ITGA4: variants seen among roughly 807,000 people sequenced by gnomAD.
ITGA4 encodes the protein integrin subunit alpha 4.
ITGA4 carries 63 observed loss-of-function variants against 133.6 expected under a neutral mutation model. The ratio of observed to expected loss-of-function variants is 0.47; its 90% CI spans 0.38 to 0.58. The LOEUF is 0.58. ITGA4 is among the 20% of genes least tolerant of loss of function. The pLI, the probability that ITGA4 is intolerant of heterozygous loss-of-function variation, is 0.00. For synonymous variants in ITGA4, 483 were observed against 438.0 expected, an observed-to-expected ratio of 1.10 and a Z score of -1.28; for missense variants, 1,076 against 1,252.7, an observed-to-expected ratio of 0.86 and a Z score of 2.13.
intron 2 of ITGA4, among the ~76,000 whole-genome samples, chr2:181,462,457 G>A (rs1685308098): frequency 6.6e-6 from 1 of 152,106 alleles, no homozygotes; most frequent in Non-Finnish European, 1.5e-5. Context: ...GGAGTTATTA[G>A]CTTAACATTA....
intron 22 of ITGA4, among the ~76,000 whole-genome samples, chr2:181,529,005 T>G (rs1686888142): frequency 6.6e-6 from 1 of 152,236 alleles, no homozygotes; most frequent in Non-Finnish European, 1.5e-5. Context: ...AAATACATTT[T>G]TATTCACTTT....
At chr2:181,465,848 C>T (rs965537077) in intron 2 of ITGA4, among the ~76,000 whole-genome samples, 3 of 152,070 alleles carry the variant, frequency 2.0e-5, no homozygotes, top group Non-Finnish European at 4.4e-5. Context: ...TGGGCAAGTG[C>T]TTAGTCATCC....
intron 2 of ITGA4, among the ~76,000 whole-genome samples, chr2:181,463,895 G>A (rs149068232): frequency 6.6e-6 from 1 of 152,276 alleles, no homozygotes; most frequent in East Asian, 1.9e-4. Flanking sequence ...TACAGTTCGA[G>A]AAGTGATTAG....
intron 9 of ITGA4, 41 bp from the exon 10 acceptor site, chr2:181,485,840 G>A: frequency 3.4e-6 from 5 of 1,489,034 alleles, no homozygotes; most frequent in Non-Finnish European, 4.6e-6. Flanking sequence ...AAGTTGTCAG[G>A]GAGTGTTATA....
At chr2:181,468,120 C>G (rs1685464186) in intron 2 of ITGA4, among the ~76,000 whole-genome samples, 1 of 152,174 alleles carries the variant, frequency 6.6e-6, no homozygotes, top group Non-Finnish European at 1.5e-5. Flanking sequence ...CTCATTTACT[C>G]CACAGTCCTT....
At chr2:181,535,397 A>G (rs1364201481) in intron 27 of ITGA4, 35 bp from the exon 28 acceptor site, 2 of 1,509,410 alleles carry the variant, frequency 1.3e-6, no homozygotes, top group South Asian at 1.2e-5. Flanking sequence ...AGTGTTCATA[A>G]CTATACACTA....
chr2:181,519,817 A>G (rs1326227271), intron 17 of ITGA4, among the ~76,000 whole-genome samples: 1 of 152,160 alleles, frequency 6.6e-6, no homozygotes, highest in Non-Finnish European at 1.5e-5. Flanking sequence ...TAAGGCTATA[A>G]CGTGACAGTA....
chr2:181,475,453 A>G (rs979787492), intron 4 of ITGA4, among the ~76,000 whole-genome samples, 165 bp downstream of exon 4: 4 of 152,198 alleles, frequency 2.6e-5, no homozygotes, highest in Non-Finnish European at 4.4e-5. Flanking sequence ...TTGCAATAGC[A>G]TTATTTTTCA....
In ITGA4 at chr2:181,495,858, T is replaced by G; in HGVS notation, c.1461T>G (p.Val487=). ...ESVNRTKFDC[V]ENGWPSVCID... The stretch of plus-strand genomic sequence containing the variant: ...TAAATAGAACGAAATTTGACTGTGT[T>G]GAAAATGGATGGCCTTCTGTGTGCA... The change falls in exon 14 of 28, where the codon GTT becomes GTG. Residue 487 remains valine (V), a synonymous_variant. Transcript: ENST00000397033. This position sits in a 1 kb window ranked among gnomAD's most constrained non-coding sequence, Gnocchi z 4.3. The G allele has an allele frequency of 6.2e-7, 1 of 1,614,020 alleles. No homozygotes were observed. The highest frequency in any genetic ancestry group is 8.5e-7 in the Non-Finnish European group (1 of 1,179,914).
At chr2:181,487,485 G>A (rs1245161087) in intron 10 of ITGA4, among the ~76,000 whole-genome samples, 2 of 152,138 alleles carry the variant, frequency 1.3e-5, no homozygotes, top group Non-Finnish European at 2.9e-5. Context: ...TCAGGTCAGC[G>A]CTGCTCCTAT....
At chr2:181,522,035 C>T (rs1686731575) in intron 17 of ITGA4, among the ~76,000 whole-genome samples, 156 bp from the exon 18 acceptor site, 1 of 152,110 alleles carries the variant, frequency 6.6e-6, no homozygotes, top group Admixed American at 6.6e-5. Context: ...TATGGTTTTA[C>T]ATCTGCTTGC....
At chr2:181,529,129 G>A (rs1686889695) in intron 22 of ITGA4, among the ~76,000 whole-genome samples, 1 of 152,014 alleles carries the variant, frequency 6.6e-6, no homozygotes, top group Non-Finnish European at 1.5e-5. Flanking sequence ...CTTTTATCTT[G>A]GGAACACTAA....
intron 23 of ITGA4, 83 bp from the exon 24 acceptor site, chr2:181,530,441 C>A: frequency 7.6e-7 from 1 of 1,315,142 alleles, no homozygotes; most frequent in Non-Finnish European, 1.0e-6. Flanking sequence ...AGATAAGCTA[C>A]TGGAACTTTT....
At chr2:181,533,443 C>CAAACCATCAA (rs1686986883) in intron 25 of ITGA4, among the ~76,000 whole-genome samples, 1 of 152,192 alleles carries the variant, frequency 6.6e-6, no homozygotes, top group South Asian at 2.1e-4. Context: ...GGTTTTCCAT[C>CAAACCATCAA]AGTGGCCATA....
Position 181,496,018 on chromosome 2 carries a change from G to A in ITGA4, c.1540+81G>A, listed in dbSNP as rs143532955. 125 of 1,396,884 alleles carry A rather than the reference G, an allele frequency of 8.9e-5. No individual in the cohort carries two copies. The African/African-American group carries it at 1.4e-3, about 16-fold the overall frequency. The allele number at this position is 1,396,884 out of a possible 1,614,324, so 86.5% of individuals were successfully genotyped here. A position where few individuals can be genotyped will look rare whatever the true frequency, so the allele number is the denominator to read the frequency against. ...CACAATCCTGCTTGGAGCCCTCACCGGTTTTCACCACGGAGATCTTCTTTA... is the reference window on the plus strand; with the variant it reads ...CACAATCCTGCTTGGAGCCCTCACCAGTTTTCACCACGGAGATCTTCTTTA... On this transcript the variant is annotated intron_variant, in intron 14 of 27. Coordinates refer to ENST00000397033, the MANE Select transcript of ITGA4 (RefSeq NM_000885.6).
chr2:181,531,363 G>C (rs958411580), intron 24 of ITGA4, among the ~76,000 whole-genome samples: 2 of 152,116 alleles, frequency 1.3e-5, no homozygotes, highest in African/African-American at 2.4e-5. Context: ...AACTTAGCAA[G>C]ACTCTGATTA....
chr2:181,463,964 C>G (rs1340128478), intron 2 of ITGA4, among the ~76,000 whole-genome samples: 1 of 152,042 alleles, frequency 6.6e-6, no homozygotes, highest in Non-Finnish European at 1.5e-5. Context: ...TTTAACAGTT[C>G]TGGTGGCCCA....
chr2:181,494,635 G>C (rs1686123249), intron 11 of ITGA4, 87 bp from the exon 12 acceptor site: 3 of 772,950 alleles, frequency 3.9e-6, no homozygotes. Flanking sequence ...GGCATGCCTG[G>C]GAAAGCTCAT....
At chr2:181,469,401 A>C (rs948459324) in intron 2 of ITGA4, among the ~76,000 whole-genome samples, 1 of 152,212 alleles carries the variant, frequency 6.6e-6, no homozygotes, top group South Asian at 2.1e-4. Context: ...CGATCATTAA[A>C]AAGTCAGGAA....
Sources: allele counts gnomAD v4.1 joint callset (sites outside exome capture counted in the v4.1 genomes callset), GRCh38; gene constraint gnomAD v4.1.1; non-coding constraint Gnocchi (gnomAD v3.1); transcripts MANE v1.5; gene names NCBI Gene and HGNC (gene_info 2026-07-23, HGNC 2026-07-21).